The following BRWD3 variants were observed in gnomAD, a reference collection of about 807,000 sequenced individuals.
The protein encoded by BRWD3 is bromodomain and WD repeat-containing protein 3.
BRWD3 carries 10 observed loss-of-function variants against 149.7 expected under a neutral mutation model. The observed-to-expected ratio is 0.07, with a 90% CI of 0.04 to 0.11. The LOEUF (loss-of-function observed/expected upper bound fraction) is 0.11, where lower values mean the gene tolerates loss of function less well. BRWD3 is among the 10% of genes least tolerant of loss of function. The pLI is 1.00. For synonymous variants in BRWD3, 504 were observed against 456.7 expected (o/e 1.10, Z -1.32); for missense variants, 940 against 1,373.2 (o/e 0.68, Z 4.99).
At chrX:80,691,249 T>C (rs2072607563) in intron 30 of BRWD3, 76 bp from the exon 31 acceptor site, 2 of 1,057,768 alleles carry the variant, frequency 1.9e-6, no homozygotes, top group Non-Finnish European at 2.6e-6. Flanking sequence ...TTTATTCATA[T>C]ATAAACAAGA....
At chrX:80,698,138 C>T (rs1239442661) in intron 25 of BRWD3, among the ~76,000 whole-genome samples, 1 of 111,730 alleles carries the variant, frequency 9.0e-6, no homozygotes. Context: ...ATGTCCTTTG[C>T]CATTTTTAAA....
At chrX:80,700,303 A>G (rs2072762921) in intron 24 of BRWD3, among the ~76,000 whole-genome samples, 1 of 106,601 alleles carries the variant, frequency 9.4e-6, no homozygotes, top group Admixed American at 1.0e-4. Flanking sequence ...AATCAGCTTC[A>G]TAAGTGTGCT....
chrX:80,725,804 ATG>A (rs1419921357), intron 14 of BRWD3, among the ~76,000 whole-genome samples: 3 of 93,970 alleles, frequency 3.2e-5, no homozygotes, highest in African/African-American at 4.3e-5. Context: ...ACATGTTTAC[ATG>A]TGTTACATGC....
At position 80,709,120 on chromosome X, in the gene BRWD3, T is replaced by C. The variant is rs2072918618; in HGVS notation, c.2475+308A>G. Among the ~76,000 whole-genome samples, 3 of 111,449 alleles carry C rather than the reference T, an allele frequency of 2.7e-5. No individual in the cohort carries two copies. In the South Asian group the frequency reaches 1.1e-3, roughly 42 times the overall value. On this transcript the variant is annotated intron_variant, in intron 21 of 40. Transcript: ENST00000373275. ...GAAACTGTGTAACTTATTAATGCTC[T>C]TTATATTTCGCTCCTTTCCATTTAT...
At chrX:80,775,469 T>A (rs1474989023) in intron 6 of BRWD3, among the ~76,000 whole-genome samples, 1 of 112,183 alleles carries the variant, frequency 8.9e-6, no homozygotes, top group African/African-American at 3.2e-5. Context: ...TTATCTCATG[T>A]CTTATTTAAA....
At chrX:80,777,143 A>ACCC (rs34424596) in intron 6 of BRWD3, among the ~76,000 whole-genome samples, 13 of 101,864 alleles carry the variant, frequency 1.3e-4, no homozygotes, top group African/African-American at 4.7e-4. Flanking sequence ...CACTCTTAAG[A>ACCC]CCCCCCCCCA....
At chrX:80,766,697 G>T (rs888797735) in intron 6 of BRWD3, among the ~76,000 whole-genome samples, 11 of 111,867 alleles carry the variant, frequency 9.8e-5, no homozygotes, top group African/African-American at 3.6e-4. Flanking sequence ...CGTGATCGAT[G>T]CAGAAGATGG....
chrX:80,708,174 T>A (rs2072896767), intron 21 of BRWD3, among the ~76,000 whole-genome samples: 1 of 111,258 alleles, frequency 9.0e-6, no homozygotes, highest in African/African-American at 3.3e-5. Flanking sequence ...GGCAGGCAGA[T>A]CACCTGAGGT....
chrX:80,692,844 G>A (rs2072630782), intron 28 of BRWD3, 96 bp downstream of exon 28: 1 of 674,207 alleles, frequency 1.5e-6, no homozygotes. Flanking sequence ...GACTAGATAA[G>A]TCAGATAAAA....
At chrX:80,750,720 T>A (rs1307194123) in intron 6 of BRWD3, among the ~76,000 whole-genome samples, 1 of 111,490 alleles carries the variant, frequency 9.0e-6, no homozygotes, top group Non-Finnish European at 1.9e-5. Flanking sequence ...ATCCTACTTC[T>A]GGATATATAT....
intron 6 of BRWD3, among the ~76,000 whole-genome samples, chrX:80,780,030 T>C (rs2147839471): frequency 8.9e-6 from 1 of 111,995 alleles, no homozygotes; most frequent in South Asian, 3.7e-4. Flanking sequence ...AGTTCACTTA[T>C]ATAATTTGGA....
chrX:80,787,508 G>A (rs1262486900), intron 6 of BRWD3, among the ~76,000 whole-genome samples: 5 of 105,505 alleles, frequency 4.7e-5, no homozygotes, highest in Non-Finnish European at 7.7e-5. Context: ...AATGTGCCAC[G>A]ATAATCCAAT....
Position 80,773,551 on chromosome X carries a change from T to C in BRWD3, c.430+18303A>G, listed in dbSNP as rs1280355530. Among the ~76,000 whole-genome samples the C allele has an allele frequency of 3.6e-5, 4 of 111,921 alleles. No individual in the cohort carries two copies. In the East Asian group the frequency reaches 1.1e-3, roughly 31 times the overall value. On this transcript the variant is annotated intron_variant, in intron 6 of 40. Transcript: ENST00000373275. ...ATTTTAAGCATTTGAAAATAAGGAT[T>C]AATGTGTAACTATCAGCACTAAGCT...
chrX:80,701,891 C>A (rs1409965563), intron 24 of BRWD3, among the ~76,000 whole-genome samples: 1 of 110,585 alleles, frequency 9.0e-6, no homozygotes, highest in African/African-American at 3.3e-5. Context: ...GATATGGAAA[C>A]TCATGTAGAT....
intron 31 of BRWD3, 119 bp from the exon 32 acceptor site, chrX:80,690,211 C>T: frequency 1.4e-6 from 1 of 697,670 alleles, no homozygotes; most frequent in Non-Finnish European, 2.1e-6. Context: ...TTCCAATATG[C>T]ATATAACTCA....
chrX:80,721,808 G>A (rs765995644), intron 17 of BRWD3, among the ~76,000 whole-genome samples: 2 of 111,481 alleles, frequency 1.8e-5, no homozygotes, highest in African/African-American at 3.3e-5. Flanking sequence ...TTTCAAACAC[G>A]AGGATAGGTA....
intron 4 of BRWD3, among the ~76,000 whole-genome samples, chrX:80,796,230 A>C (rs1427019384): frequency 9.1e-6 from 1 of 109,515 alleles, no homozygotes; most frequent in Non-Finnish European, 1.9e-5. Flanking sequence ...TCCTGGGTTC[A>C]AGTGATTCTC....
chrX:80,706,593 C>G (rs1012394547), intron 22 of BRWD3, among the ~76,000 whole-genome samples: 1 of 112,021 alleles, frequency 8.9e-6, no homozygotes, highest in African/African-American at 3.2e-5. Context: ...GGAAGGTATT[C>G]AGAGACAAAA....
chrX:80,699,060 GA>G (rs1191174797), intron 25 of BRWD3, among the ~76,000 whole-genome samples: 2 of 108,569 alleles, frequency 1.8e-5, no homozygotes, highest in Admixed American at 9.9e-5. Context: ...ATAAAAATAC[GA>G]AAAATTAGCT....
Sources: gnomAD v4.1 joint callset for allele counts (sites outside exome capture counted in the v4.1 genomes callset) on GRCh38, gnomAD v4.1.1 for gene constraint, MANE v1.5 for transcripts, NCBI Gene and HGNC (gene_info 2026-07-23, HGNC 2026-07-21) for gene names.